Variants in NELL2 observed in about 807,000 individuals in gnomAD.
NELL2 encodes the protein neural EGFL like 2, also known as protein kinase C-binding protein NELL2.
A neutral mutation model predicts 109.6 loss-of-function variants in NELL2; 41 were observed. The ratio of observed to expected loss-of-function variants is 0.37; its 90% CI spans 0.29 to 0.49. NELL2 has a LOEUF of 0.49. Ranked by LOEUF, NELL2 falls within the 20% of genes least tolerant of loss-of-function variation. NELL2 has a pLI of 0.98. For missense variants in NELL2, 900 were observed against 1,008.3 expected, an observed-to-expected ratio of 0.89 and a Z score of 1.45; for synonymous variants, 355 against 344.7, an observed-to-expected ratio of 1.03 and a Z score of -0.33.
intron 2 of NELL2, among the ~76,000 whole-genome samples, chr12:44,853,831 A>T (rs765305781): frequency 6.6e-6 from 1 of 152,204 alleles, no homozygotes; most frequent in African/African-American, 2.4e-5. Flanking sequence ...ATGTGAGAAG[A>T]ATACATCAGT....
intron 1 of NELL2, among the ~76,000 whole-genome samples, chr12:44,897,154 C>T (rs1945602227): frequency 6.6e-6 from 1 of 152,076 alleles, no homozygotes; most frequent in Non-Finnish European, 1.5e-5. Flanking sequence ...TAATCATCTA[C>T]TGAGGTTAGT....
intron 3 of NELL2, among the ~76,000 whole-genome samples, chr12:44,805,941 G>A (rs1942983490): frequency 6.6e-6 from 1 of 151,336 alleles, no homozygotes; most frequent in Non-Finnish European, 1.5e-5. Context: ...TATATATAAG[G>A]GACCACAAAT....
At chr12:44,570,883 A>G (rs1166316268) in intron 15 of NELL2, among the ~76,000 whole-genome samples, 1 of 152,156 alleles carries the variant, frequency 6.6e-6, no homozygotes, top group Non-Finnish European at 1.5e-5. Context: ...TTATGTCTAA[A>G]CCAAATTTAG....
In NELL2 at chr12:44,687,053, C is replaced by T. The variant is rs151324615; in HGVS notation, c.1318+16673G>A. Among the ~76,000 whole-genome samples the T allele has an allele frequency of 2.2e-3, 335 of 152,270 alleles. 1 individual carries two copies. Among genetic ancestry groups the T allele is most frequent in the Middle Eastern group, 6.8e-3 (2 of 294 alleles). Reference sequence around the variant, plus strand: ...CTCAGACTGCTATGCTAGCAATCAGCGAGACTCCACGGGCATAGGACCCTC... The same window carrying T: ...CTCAGACTGCTATGCTAGCAATCAGTGAGACTCCACGGGCATAGGACCCTC... On this transcript the variant is annotated intron_variant, in intron 12 of 19. Transcript: ENST00000429094.
chr12:44,661,939 C>T (rs1947757968), intron 13 of NELL2, among the ~76,000 whole-genome samples: 1 of 151,838 alleles, frequency 6.6e-6, no homozygotes, highest in African/African-American at 2.4e-5. Context: ...TCTTTTCTCC[C>T]TCCCTCCTGC....
At chr12:44,872,097 T>C (rs1313504382) in intron 2 of NELL2, among the ~76,000 whole-genome samples, 1 of 152,154 alleles carries the variant, frequency 6.6e-6, no homozygotes, top group Non-Finnish European at 1.5e-5. Context: ...AAAACATTAT[T>C]ATGATCATTA....
chr12:44,876,336 C>G (rs1351383956), upstream of NELL2: 2 of 1,184,532 alleles, frequency 1.7e-6, no homozygotes, highest in African/African-American at 3.1e-5. Context: ...CCGGGAGACG[C>G]GCGGAGAGAC....
At chr12:44,726,964 A>G (rs908922051) in intron 9 of NELL2, among the ~76,000 whole-genome samples, 2 of 152,130 alleles carry the variant, frequency 1.3e-5, no homozygotes, top group African/African-American at 4.8e-5. Context: ...TTAATTTTTA[A>G]CAGAGCCAAT....
At chr12:44,644,306 A>C (rs1946971407) in intron 13 of NELL2, among the ~76,000 whole-genome samples, 1 of 152,022 alleles carries the variant, frequency 6.6e-6, no homozygotes, top group Non-Finnish European at 1.5e-5. Context: ...GTGGCATGTA[A>C]TTGAGTTGAA....
At chr12:44,787,037 T>G (rs532993958) in intron 3 of NELL2, among the ~76,000 whole-genome samples, 6 of 151,974 alleles carry the variant, frequency 3.9e-5, no homozygotes, top group African/African-American at 1.4e-4. Flanking sequence ...GAATTTAAAG[T>G]ATAAAAAAAA....
chr12:44,726,059 A>G (rs751546934), intron 9 of NELL2, among the ~76,000 whole-genome samples: 3 of 152,190 alleles, frequency 2.0e-5, no homozygotes, highest in African/African-American at 7.2e-5. Context: ...AATATTATTA[A>G]AACTTTTACT....
At chr12:44,824,286 C>G (rs1943634754) in intron 2 of NELL2, among the ~76,000 whole-genome samples, 1 of 152,156 alleles carries the variant, frequency 6.6e-6, no homozygotes, top group African/African-American at 2.4e-5. Context: ...ATCTCATTTG[C>G]CTCTTTGCCT....
At chr12:44,554,948 A>G (rs976069582) in intron 15 of NELL2, among the ~76,000 whole-genome samples, 4 of 152,204 alleles carry the variant, frequency 2.6e-5, no homozygotes, top group Non-Finnish European at 5.9e-5. Flanking sequence ...AATTTCACAG[A>G]CACAGGTTTA....
chr12:44,581,042 A>T (rs1448686705), intron 15 of NELL2, among the ~76,000 whole-genome samples: 2 of 152,206 alleles, frequency 1.3e-5, no homozygotes, highest in Non-Finnish European at 2.9e-5. Flanking sequence ...GACAATTTAC[A>T]TTTCCACTTC....
At chr12:44,870,539 T>G (rs1945132760) in intron 2 of NELL2, among the ~76,000 whole-genome samples, 2 of 151,984 alleles carry the variant, frequency 1.3e-5, no homozygotes, top group Non-Finnish European at 2.9e-5. Context: ...CCAAAATGAG[T>G]CTCATTGGTC....
chr12:44,675,942 C>T (rs557160349), intron 12 of NELL2, among the ~76,000 whole-genome samples: 26 of 152,114 alleles, frequency 1.7e-4, no homozygotes, highest in Non-Finnish European at 2.6e-4. Flanking sequence ...CATGACACTC[C>T]CTTTCCTGCC....
chr12:44,879,113 G>A (rs116917391), upstream of NELL2, among the ~76,000 whole-genome samples: 992 of 152,268 alleles, frequency 6.5e-3, 9 homozygotes, highest in Middle Eastern at 0.014. Flanking sequence ...TCCTGTTGCT[G>A]ACTATGAAGA....
Position 44,741,246 on chromosome 12 carries a change from A to G in NELL2, c.995-26505T>C, listed in dbSNP as rs372255223. ...CTTAATAACATTTTCTTTTCTTTAG[A>G]TTATTTTAAGCTAAAACTTAAAACT... is the stretch of plus-strand genomic sequence containing the variant. On this transcript the variant is annotated intron_variant, in intron 9 of 19. Coordinates refer to ENST00000429094, the MANE Select transcript of NELL2 (RefSeq NM_001145108.2). 9.8e-5 allele frequency among the ~76,000 whole-genome samples: 15 copies of G among 152,296 alleles called. No individual in the cohort carries two copies. In the East Asian group the frequency reaches 2.1e-3, roughly 22 times the overall value.
intron 13 of NELL2, among the ~76,000 whole-genome samples, chr12:44,644,608 G>GTGTA (rs1461808442): frequency 1.1e-5 from 1 of 90,830 alleles, no homozygotes; most frequent in African/African-American, 4.6e-5. Context: ...ATATATGTAT[G>GTGTA]TATATATATA....
Sources: gnomAD v4.1 joint callset for allele counts (sites outside exome capture counted in the v4.1 genomes callset) on GRCh38, gnomAD v4.1.1 for gene constraint, MANE v1.5 for transcripts, NCBI Gene and HGNC (gene_info 2026-07-23, HGNC 2026-07-21) for gene names.